SCHIP1: variants seen among roughly 807,000 people sequenced by gnomAD.
SCHIP1 encodes the protein schwannomin-interacting protein 1.
In SCHIP1, 8 loss-of-function variants were observed where a neutral mutation model predicts 29.7. The observed-to-expected ratio is 0.27, with a 90% CI of 0.16 to 0.49. The LOEUF (loss-of-function observed/expected upper bound fraction) is 0.49. SCHIP1 is among the 20% of genes least tolerant of loss of function. The pLI, the probability that SCHIP1 is intolerant of heterozygous loss-of-function variation, is 0.99. For synonymous variants in SCHIP1, 76 were observed against 94.9 expected, an observed-to-expected ratio of 0.80 and a Z score of 1.16; for missense variants, 193 against 294.6, an observed-to-expected ratio of 0.66 and a Z score of 2.52.
chr3:159,479,068 T>A, the SCHIP1 span, among the ~76,000 whole-genome samples: 1 of 152,124 alleles, frequency 6.6e-6, no homozygotes, highest in Non-Finnish European at 1.5e-5. Flanking sequence ...TATGCATCAA[T>A]TTTTTAAATA....
At chr3:159,836,959 AT>A (rs1042812377), upstream of SCHIP1, among the ~76,000 whole-genome samples, 3 of 151,720 alleles carry the variant, frequency 2.0e-5, no homozygotes, top group East Asian at 1.9e-4. Flanking sequence ...TAATATATTC[AT>A]TTTTTTTCAT....
At chr3:159,746,021 A>G in the SCHIP1 span, among the ~76,000 whole-genome samples, 10 of 152,348 alleles carry the variant, frequency 6.6e-5, no homozygotes, top group South Asian at 4.1e-4. Flanking sequence ...ATGAGCAAAT[A>G]GGTGAAATAA....
At chr3:159,305,243 C>T in the SCHIP1 span, among the ~76,000 whole-genome samples, 2 of 152,180 alleles carry the variant, frequency 1.3e-5, no homozygotes, top group African/African-American at 4.8e-5. Flanking sequence ...GGCCTCCCAT[C>T]CAAGCTGTGT....
intron 2 of SCHIP1, among the ~76,000 whole-genome samples, chr3:159,881,945 G>A (rs913627304): frequency 2.0e-5 from 3 of 152,180 alleles, no homozygotes; most frequent in Non-Finnish European, 2.9e-5. Context: ...TCTGTGCTAC[G>A]AAGTTACACC....
At chr3:159,454,319 A>C in the SCHIP1 span, among the ~76,000 whole-genome samples, 1 of 152,158 alleles carries the variant, frequency 6.6e-6, no homozygotes, top group South Asian at 2.1e-4. Flanking sequence ...GTTCCCAGCC[A>C]AGTTGTAACC....
the SCHIP1 span, chr3:159,765,462 T>G: frequency 3.7e-6 from 1 of 272,862 alleles, no homozygotes; most frequent in East Asian, 8.0e-5. Context: ...TGAAAATAAA[T>G]CCGGGGAGAT....
At chr3:159,573,458 G>C in the SCHIP1 span, among the ~76,000 whole-genome samples, 1 of 152,162 alleles carries the variant, frequency 6.6e-6, no homozygotes, top group African/African-American at 2.4e-5. Context: ...CTGGCTTGTA[G>C]GGTTTCTGCT....
At chr3:159,614,661 G>T in the SCHIP1 span, among the ~76,000 whole-genome samples, 1 of 152,300 alleles carries the variant, frequency 6.6e-6, no homozygotes, top group Non-Finnish European at 1.5e-5. Context: ...AAGTGACCAT[G>T]TTCAGAAAGG....
At chr3:159,736,891 C>T in the SCHIP1 span, among the ~76,000 whole-genome samples, 22 of 152,130 alleles carry the variant, frequency 1.4e-4, no homozygotes, top group African/African-American at 4.3e-4. Flanking sequence ...CCCGCCACCA[C>T]GCCCGGCTAA....
chr3:159,480,631 C>G, the SCHIP1 span, among the ~76,000 whole-genome samples: 5 of 152,288 alleles, frequency 3.3e-5, no homozygotes, highest in East Asian at 1.9e-4. Flanking sequence ...ACATCTCTCT[C>G]GTTTAACAGA....
the SCHIP1 span, among the ~76,000 whole-genome samples, chr3:159,821,676 T>A: frequency 6.6e-6 from 1 of 152,214 alleles, no homozygotes; most frequent in Admixed American, 6.5e-5. Context: ...AGATAAAAGA[T>A]TTGGTTTTAT....
the SCHIP1 span, among the ~76,000 whole-genome samples, chr3:159,682,751 A>C: frequency 6.6e-6 from 1 of 152,204 alleles, no homozygotes; most frequent in Non-Finnish European, 1.5e-5. Context: ...ACCTAGAAAT[A>C]ATAAAATTTT....
the SCHIP1 span, among the ~76,000 whole-genome samples, chr3:159,480,407 A>G: frequency 6.6e-6 from 1 of 152,180 alleles, no homozygotes; most frequent in Non-Finnish European, 1.5e-5. Context: ...ACCAAAACAT[A>G]GACAAATCCA....
the SCHIP1 span, among the ~76,000 whole-genome samples, chr3:159,641,961 T>C: frequency 6.6e-6 from 1 of 152,172 alleles, no homozygotes; most frequent in Non-Finnish European, 1.5e-5. Context: ...GAGTTCATTT[T>C]TGCAGGCTTA....
chr3:159,777,055 G>A, the SCHIP1 span, among the ~76,000 whole-genome samples: 1 of 152,208 alleles, frequency 6.6e-6, no homozygotes, highest in Non-Finnish European at 1.5e-5. Context: ...TGTGTCAGGA[G>A]AAGCCCAAGA....
chr3:159,494,159 T>C, the SCHIP1 span, among the ~76,000 whole-genome samples: 1 of 152,194 alleles, frequency 6.6e-6, no homozygotes, highest in African/African-American at 2.4e-5. Flanking sequence ...AGGAAAGATC[T>C]AAAATTGACA....
chr3:159,528,054 T>C, the SCHIP1 span, among the ~76,000 whole-genome samples: 1 of 152,230 alleles, frequency 6.6e-6, no homozygotes, highest in African/African-American at 2.4e-5. Flanking sequence ...CCTAATGATG[T>C]GCTAATTACC....
At chr3:159,445,271 A>G in the SCHIP1 span, among the ~76,000 whole-genome samples, 1 of 151,994 alleles carries the variant, frequency 6.6e-6, no homozygotes, top group South Asian at 2.1e-4. Context: ...AAGACACATG[A>G]AAAAATGCTC....
the SCHIP1 span, among the ~76,000 whole-genome samples, chr3:159,772,228 G>A: frequency 6.6e-6 from 1 of 152,060 alleles, no homozygotes; most frequent in East Asian, 1.9e-4. Context: ...TCGACTCGCT[G>A]CAACCCCCAT....
Sources: allele counts gnomAD v4.1 joint callset (sites outside exome capture counted in the v4.1 genomes callset), GRCh38; gene constraint gnomAD v4.1.1; transcripts MANE v1.5; gene names NCBI Gene and HGNC (gene_info 2026-07-23, HGNC 2026-07-21).